Variants in ATM observed in about 807,000 individuals in gnomAD.
ATM encodes ATM serine/threonine kinase, also known as serine-protein kinase ATM.
Under a neutral mutation model 387.0 loss-of-function variants are expected in ATM, and 308 were observed. That is an observed-to-expected ratio of 0.80 (90% CI 0.73 to 0.87). The LOEUF (loss-of-function observed/expected upper bound fraction) is 0.87, where lower values mean the gene tolerates loss of function less well. ATM is among the 40% of genes least tolerant of loss of function. The pLI, the probability that ATM is intolerant of heterozygous loss-of-function variation, is 0.00. For missense variants in ATM, 3,312 were observed against 3,560.9 expected (o/e 0.93, Z 1.78); for synonymous variants, 1,156 against 1,187.3 (o/e 0.97, Z 0.54).
intron 27 of ATM, among the ~76,000 whole-genome samples, chr11:108,288,237 C>A (rs2082599716): frequency 6.6e-6 from 1 of 151,922 alleles, no homozygotes; most frequent in Non-Finnish European, 1.5e-5. Flanking sequence ...CTGCGCCTGG[C>A]TAATTTTTTA....
At chr11:108,280,656 G>A (rs2135660120) in intron 23 of ATM, among the ~76,000 whole-genome samples, 1 of 152,182 alleles carries the variant, frequency 6.6e-6, no homozygotes, top group East Asian at 1.9e-4. Flanking sequence ...AAATGTTTCT[G>A]TATTTTTTAG....
chr11:108,261,002 C>G (rs542253740), intron 16 of ATM, among the ~76,000 whole-genome samples: 2 of 152,056 alleles, frequency 1.3e-5, no homozygotes, highest in African/African-American at 4.8e-5. Context: ...CACGGAGTCT[C>G]GCTGATTGCT....
intron 33 of ATM, 97 bp from the exon 34 acceptor site, chr11:108,299,617 A>G: frequency 7.9e-7 from 1 of 1,258,564 alleles, no homozygotes; most frequent in Non-Finnish European, 1.2e-6. Flanking sequence ...TTCTTGAAGT[A>G]CAGAAAAACA....
chr11:108,284,139 G>C (rs2135702540), intron 25 of ATM, 88 bp from the exon 26 acceptor site: 1 of 992,712 alleles, frequency 1.0e-6, no homozygotes, highest in Non-Finnish European at 1.5e-6. Flanking sequence ...AATGCTGATG[G>C]TATTAAAACA....
intron 29 of ATM, 72 bp from the exon 30 acceptor site, chr11:108,292,547 T>G: frequency 6.5e-7 from 1 of 1,529,112 alleles, no homozygotes; most frequent in Non-Finnish European, 9.0e-7. Context: ...AAAGGACTTC[T>G]GAATGAATTT....
Position 108,347,178 on chromosome 11 carries a change from TAAA to T in ATM, c.8585-100_8585-98del, listed in dbSNP as rs2088524244. On this transcript the variant is annotated intron_variant, in intron 58 of 62. Transcript: ENST00000675843. ...AGTAGGCTAAAAATCCTAAACTACT[TAAA>T]GATTATACCAAGTCAGTGGTCTTAA... 3 of 947,102 alleles carry T rather than the reference TAAA, an allele frequency of 3.2e-6. No homozygotes were observed. The East Asian group carries it at 7.3e-5, about 23-fold the overall frequency. 58.7% of individuals were successfully genotyped at this position (947,102 alleles called of 1,614,324 possible).
At chr11:108,286,396 T>C (rs912658105) in intron 26 of ATM, among the ~76,000 whole-genome samples, 9 of 148,398 alleles carry the variant, frequency 6.1e-5, no homozygotes, top group Non-Finnish European at 1.3e-4. Flanking sequence ...AAGCCAGAGA[T>C]TTACTGAAAA....
At chr11:108,244,296 C>T (rs574493404) in intron 6 of ATM, among the ~76,000 whole-genome samples, 178 bp downstream of exon 6, 54 of 152,244 alleles carry the variant, frequency 3.5e-4, no homozygotes, top group African/African-American at 1.3e-3. Context: ...ATCCAATATG[C>T]AGAACACTAC....
At chr11:108,355,164 T>A (rs1191510562) in intron 61 of ATM, 1 of 382,844 alleles carries the variant, frequency 2.6e-6, no homozygotes, top group Admixed American at 4.1e-5. Context: ...CATATGGTAT[T>A]ATTATTTTCA....
chr11:108,315,999 C>A lies in ATM; in HGVS notation c.6096-12C>A, dbSNP rs781200134. 1.2e-6 allele frequency: 2 copies of A among 1,613,528 alleles called. No individual in the cohort carries two copies. Among genetic ancestry groups the A allele is most frequent in the Non-Finnish European group, 1.7e-6 (2 of 1,179,464 alleles). On this transcript the variant is annotated splice_polypyrimidine_tract_variant and intron_variant, in intron 41 of 62. Transcript: ENST00000675843. ...TAAAACCCAAAGCTATTTTCACAAT[C>A]TTTTCTTATAGACTACGAACATATG...
chr11:108,265,465 C>G (rs1444318212), intron 16 of ATM, among the ~76,000 whole-genome samples: 1 of 152,176 alleles, frequency 6.6e-6, no homozygotes, highest in Non-Finnish European at 1.5e-5. Flanking sequence ...TTCCTTACAC[C>G]TGATAGAAAA....
chr11:108,278,253 G>C (rs538203997), intron 22 of ATM, among the ~76,000 whole-genome samples: 58 of 152,168 alleles, frequency 3.8e-4, no homozygotes, highest in Non-Finnish European at 7.5e-4. Flanking sequence ...ACTGTTTTTA[G>C]TAAGACCATA....
intron 59 of ATM, among the ~76,000 whole-genome samples, chr11:108,350,903 T>G (rs1015612149): frequency 6.6e-6 from 1 of 152,186 alleles, no homozygotes; most frequent in Non-Finnish European, 1.5e-5. Flanking sequence ...GCTGACTTTA[T>G]GTATATCCTG....
At chr11:108,268,853 A>G (rs2081414751) in intron 18 of ATM, among the ~76,000 whole-genome samples, 1 of 152,228 alleles carries the variant, frequency 6.6e-6, no homozygotes, top group South Asian at 2.1e-4. Context: ...TTTAATTGTT[A>G]TAAATTATTT....
intron 45 of ATM, among the ~76,000 whole-genome samples, chr11:108,323,010 A>G (rs2085345094): frequency 6.6e-6 from 1 of 152,116 alleles, no homozygotes; most frequent in Admixed American, 6.6e-5. Context: ...TGGTCTCTAA[A>G]GCCCCTTTTA....
At chr11:108,298,252 A>G (rs1384719542) in intron 33 of ATM, among the ~76,000 whole-genome samples, 2 of 152,326 alleles carry the variant, frequency 1.3e-5, no homozygotes, top group East Asian at 3.9e-4. Flanking sequence ...AAAAATAGGA[A>G]TAAGTAGTGT....
rs145053092 is a variant in ATM at position 108,244,795 on chromosome 11, A to G, written c.670A>G (p.Lys224Glu). 163 of 1,613,070 alleles carry G rather than the reference A, an allele frequency of 1.0e-4. No individual in the cohort carries two copies. Among genetic ancestry groups the G allele is most frequent in the Non-Finnish European group, 1.3e-4 (156 of 1,179,366 alleles). ...SKAIQCARQE[K>E]SSSGLNHILA... ...TTGTTTGTTTCTTCACAGACAAGAA[A>G]AGAGCTCTTCAGGTCTAAATCATAT... The change falls in exon 7 of 63, where the codon AAG becomes GAG. Residue 224 changes from lysine to glutamate, a missense_variant. Coordinates refer to ENST00000675843, the MANE Select transcript of ATM (RefSeq NM_000051.4).
At position 108,301,644 on chromosome 11, in the gene ATM, TC is replaced by T. The variant is rs1555105575; in HGVS notation, c.5178-3del. 6.2e-7 allele frequency: 1 copy of T among 1,613,576 alleles called. No homozygotes were observed. The highest frequency in any genetic ancestry group is 2.2e-5 in the East Asian group (1 of 44,782). Reference sequence around the variant, plus strand: ...TTGATAGGCATTTGAATTGTTTTTTTCAGTGTCAAAGTTCGATCAGCAGCTG... The same window carrying T: ...TTGATAGGCATTTGAATTGTTTTTTTAGTGTCAAAGTTCGATCAGCAGCTG... On this transcript the variant is annotated splice_region_variant and splice_polypyrimidine_tract_variant and intron_variant, in intron 34 of 62. Transcript: ENST00000675843.
intron 16 of ATM, among the ~76,000 whole-genome samples, chr11:108,261,356 C>A (rs1462356890): frequency 6.6e-6 from 1 of 152,270 alleles, no homozygotes; most frequent in African/African-American, 2.4e-5. Flanking sequence ...CTGGGAGGCA[C>A]CCCCCAGCAG....
Sources: gnomAD v4.1 joint callset for allele counts (sites outside exome capture counted in the v4.1 genomes callset) on GRCh38, gnomAD v4.1.1 for gene constraint, MANE v1.5 for transcripts, NCBI Gene and HGNC (gene_info 2026-07-23, HGNC 2026-07-21) for gene names.